Variants in FBLN5 observed in about 807,000 individuals in gnomAD.
FBLN5 encodes the protein fibulin 5, also known as fibulin-5.
Under a neutral mutation model 61.6 loss-of-function variants are expected in FBLN5, and 24 were observed. The ratio of observed to expected loss-of-function variants is 0.39; its 90% CI spans 0.28 to 0.55. The LOEUF (loss-of-function observed/expected upper bound fraction) is 0.55, where lower values mean the gene tolerates loss of function less well. Ranked by LOEUF, FBLN5 falls within the 20% of genes least tolerant of loss-of-function variation. The probability of loss-of-function intolerance (pLI) is 0.65; values close to 1 mark genes in which losing one functional copy is unlikely to be tolerated. For synonymous variants in FBLN5, 213 were observed against 219.8 expected (o/e 0.97, Z 0.27); for missense variants, 470 against 594.1 (o/e 0.79, Z 2.17).
chr14:91,887,343 T>C, intron 6 of FBLN5, 31 bp from the exon 7 acceptor site: 1 of 1,608,672 alleles, frequency 6.2e-7, no homozygotes. Flanking sequence ...TTGCTGACTG[T>C]CCTCCCAACA....
chr14:91,887,981 C>CTATG (rs1889806429), intron 6 of FBLN5, among the ~76,000 whole-genome samples: 1 of 152,014 alleles, frequency 6.6e-6, no homozygotes, highest in Non-Finnish European at 1.5e-5. Context: ...TATACACTGA[C>CTATG]TATGCATCAA....
At chr14:91,872,973 TTG>T (rs1889009716) in intron 10 of FBLN5, among the ~76,000 whole-genome samples, 1 of 152,206 alleles carries the variant, frequency 6.6e-6, no homozygotes, top group African/African-American at 2.4e-5. Flanking sequence ...AACTTCCAAG[TTG>T]TTCCTTTGGG....
At chr14:91,907,373 G>A (rs1890725674) in intron 4 of FBLN5, among the ~76,000 whole-genome samples, 1 of 152,126 alleles carries the variant, frequency 6.6e-6, no homozygotes, top group Non-Finnish European at 1.5e-5. Context: ...TGCAGCATGA[G>A]AGAGAAATAA....
At chr14:91,877,905 T>C (rs10147178) in intron 9 of FBLN5, 12 of 639,140 alleles carry the variant, frequency 1.9e-5, no homozygotes, top group Non-Finnish European at 2.6e-5. Flanking sequence ...CCAGATGTTC[T>C]GGCTACTAAA....
At chr14:91,903,470 G>A (rs763579881) in intron 4 of FBLN5, among the ~76,000 whole-genome samples, 2 of 152,310 alleles carry the variant, frequency 1.3e-5, no homozygotes, top group South Asian at 2.1e-4. Context: ...CCAACACAGA[G>A]CATCCCTTTT....
chr14:91,925,687 GA>G (rs2055816163), intron 4 of FBLN5, among the ~76,000 whole-genome samples: 1 of 152,224 alleles, frequency 6.6e-6, no homozygotes, highest in Admixed American at 6.5e-5. Flanking sequence ...GGGGACAGTG[GA>G]CGTGGGTTTC....
In FBLN5 at chr14:91,876,797, G is replaced by A. The variant is rs188547968; in HGVS notation, c.1185+690C>T. 2.6e-5 allele frequency among the ~76,000 whole-genome samples: 4 copies of A among 152,298 alleles called. No homozygotes were observed. The South Asian group carries it at 8.3e-4, about 32-fold the overall frequency. ...AGACTCCTGGCTTCCAGAACTATGA[G>A]AGAATAAATTTCCTTTGCCTTAAGT... On this transcript the variant is annotated intron_variant, in intron 10 of 10. Coordinates refer to ENST00000342058, the MANE Select transcript of FBLN5 (RefSeq NM_006329.4).
intron 4 of FBLN5, among the ~76,000 whole-genome samples, chr14:91,930,147 T>C (rs2055898960): frequency 6.6e-6 from 1 of 152,294 alleles, no homozygotes; most frequent in South Asian, 2.1e-4. Flanking sequence ...TTTGAGATAA[T>C]GAAAACAATA....
intron 6 of FBLN5, 73 bp downstream of exon 6, chr14:91,891,148 A>T: frequency 1.2e-6 from 1 of 860,614 alleles, no homozygotes; most frequent in Non-Finnish European, 2.0e-6. Flanking sequence ...CCACAAACAT[A>T]AGCTGCCAGG....
chr14:91,937,191 TTCA>T lies in FBLN5; in HGVS notation c.132_134del (p.Asp44del). ...GGCAGGCCTCGGGGATGGTTCGGCATTCATCAATATCTGAAAGGCACAGAAAGG... is the reference window on the plus strand; with the variant it reads ...GGCAGGCCTCGGGGATGGTTCGGCATTCAATATCTGAAAGGCACAGAAAGG... On this transcript the variant is annotated inframe_deletion, in exon 4 of 11. Transcript: ENST00000342058. 6.2e-7 allele frequency: 1 copy of T among 1,614,094 alleles called. No homozygotes were observed.
At position 91,934,995 on chromosome 14, in the gene FBLN5, G is replaced by T. The variant is rs981083302; in HGVS notation, c.379+1952C>A. ...GCCCTGTGTAAAACCAGGAAACCAT[G>T]GGGTGGGGTGAAGGGAAGTTAGAAA... On this transcript the variant is annotated intron_variant, in intron 4 of 10. Coordinates refer to ENST00000342058, the MANE Select transcript of FBLN5 (RefSeq NM_006329.4). 3.9e-5 allele frequency among the ~76,000 whole-genome samples: 6 copies of T among 152,218 alleles called. No homozygotes were observed. The East Asian group carries it at 1.2e-3, about 29-fold the overall frequency.
chr14:91,907,733 G>A (rs1449411599), intron 4 of FBLN5, among the ~76,000 whole-genome samples: 4 of 152,222 alleles, frequency 2.6e-5, no homozygotes, highest in Non-Finnish European at 5.9e-5. Context: ...AGAGATGGAT[G>A]AAGAAGGAAA....
intron 1 of FBLN5, among the ~76,000 whole-genome samples, chr14:91,945,140 C>T (rs568888026): frequency 1.7e-4 from 26 of 148,994 alleles, no homozygotes; most frequent in African/African-American, 6.4e-4. Flanking sequence ...CCAAGGCAGA[C>T]AAATCACTTG....
intron 3 of FBLN5, among the ~76,000 whole-genome samples, chr14:91,937,538 T>G (rs918038328): frequency 2.4e-4 from 37 of 152,232 alleles, no homozygotes; most frequent in Non-Finnish European, 2.9e-5. Flanking sequence ...GATTGGATCC[T>G]GAGGGCTGTA....
chr14:91,928,785 G>A (rs999195165), intron 4 of FBLN5, among the ~76,000 whole-genome samples: 4 of 144,468 alleles, frequency 2.8e-5, no homozygotes, highest in African/African-American at 1.0e-4. Context: ...CAGGCCGGGC[G>A]CAGTGGCTCA....
At chr14:91,934,451 G>A (rs1003700497) in intron 4 of FBLN5, among the ~76,000 whole-genome samples, 3 of 152,122 alleles carry the variant, frequency 2.0e-5, no homozygotes, top group African/African-American at 4.8e-5. Flanking sequence ...AGGATCAAGC[G>A]CATTAATTAT....
chr14:91,883,868 G>A (rs1190292067), intron 7 of FBLN5, among the ~76,000 whole-genome samples: 1 of 152,168 alleles, frequency 6.6e-6, no homozygotes, highest in Non-Finnish European at 1.5e-5. Context: ...TCATCCGCAT[G>A]GGCTATGGCG....
At chr14:91,903,740 T>C (rs1015376087) in intron 4 of FBLN5, among the ~76,000 whole-genome samples, 1 of 152,182 alleles carries the variant, frequency 6.6e-6, no homozygotes, top group African/African-American at 2.4e-5. Context: ...TCCTTAAATC[T>C]TCCCTTCACG....
At chr14:91,872,000 CT>C (rs1387552499) in intron 10 of FBLN5, among the ~76,000 whole-genome samples, 4 of 152,154 alleles carry the variant, frequency 2.6e-5, no homozygotes, top group Non-Finnish European at 4.4e-5. Flanking sequence ...GAATCTGTGG[CT>C]TAACACAATC....
Sources: gnomAD v4.1 joint callset for allele counts (sites outside exome capture counted in the v4.1 genomes callset) on GRCh38, gnomAD v4.1.1 for gene constraint, MANE v1.5 for transcripts, NCBI Gene and HGNC (gene_info 2026-07-23, HGNC 2026-07-21) for gene names.